Variants in CAMTA1 observed in about 807,000 individuals in gnomAD.
CAMTA1 encodes calmodulin-binding transcription activator 1.
CAMTA1 carries 27 observed loss-of-function variants against 170.9 expected under a neutral mutation model. That is an observed-to-expected ratio of 0.16 (90% CI 0.12 to 0.22). CAMTA1 has a LOEUF of 0.22. Among genes scored for constraint, CAMTA1 ranks in the 10% least tolerant of loss-of-function variants. The probability of loss-of-function intolerance (pLI) is 1.00; values close to 1 mark genes in which losing one functional copy is unlikely to be tolerated. For synonymous variants in CAMTA1, 833 were observed against 891.5 expected, an observed-to-expected ratio of 0.93 and a Z score of 1.17; for missense variants, 1,619 against 2,217.2, an observed-to-expected ratio of 0.73 and a Z score of 5.42.
At chr1:6,979,556 G>A (rs553389450) in intron 3 of CAMTA1, among the ~76,000 whole-genome samples, 8 of 152,334 alleles carry the variant, frequency 5.3e-5, no homozygotes, top group African/African-American at 1.7e-4. Flanking sequence ...CATTTGAAAG[G>A]TGTAACATAG....
At chr1:7,626,110 AAGG>A (rs1156303688) in intron 6 of CAMTA1, among the ~76,000 whole-genome samples, 2 of 152,214 alleles carry the variant, frequency 1.3e-5, no homozygotes, top group African/African-American at 4.8e-5. Context: ...TTGTCCTACC[AAGG>A]TATTAAAGAG....
intron 6 of CAMTA1, among the ~76,000 whole-genome samples, chr1:7,559,214 A>G (rs1454356145): frequency 6.6e-6 from 1 of 152,098 alleles, no homozygotes; most frequent in Non-Finnish European, 1.5e-5. Context: ...CTCCACCCCC[A>G]GAGCCTCCCA....
chr1:7,267,961 C>T lies in CAMTA1; in HGVS notation c.438+18335C>T, dbSNP rs553453445. 2.0e-5 allele frequency among the ~76,000 whole-genome samples: 3 copies of T among 152,302 alleles called. No individual in the cohort carries two copies. The East Asian group carries it at 5.8e-4, about 29-fold the overall frequency. On this transcript the variant is annotated intron_variant, in intron 5 of 22. Coordinates refer to ENST00000303635, the MANE Select transcript of CAMTA1 (RefSeq NM_015215.4). ...AAAATGTCCAGAGGCTTCCAATGGC[C>T]ATGGCAAAGTAACTGGTAGTGAACT...
Position 7,665,476 on chromosome 1 carries a change from G to A in CAMTA1, c.2652+277G>A, listed in dbSNP as rs2095993167. On this transcript the variant is annotated intron_variant, in intron 9 of 22. Coordinates refer to ENST00000303635, the MANE Select transcript of CAMTA1 (RefSeq NM_015215.4). This position sits in a 1 kb window ranked among gnomAD's most constrained non-coding sequence, Gnocchi z 4.3. ...AACCTGTAATCCCAGAACTTTGGGAGGCCGAGGCAGGAGGATCATCTGAGC... is the reference window on the plus strand; with the variant it reads ...AACCTGTAATCCCAGAACTTTGGGAAGCCGAGGCAGGAGGATCATCTGAGC... Among the ~76,000 whole-genome samples the A allele has an allele frequency of 6.6e-6, 1 of 152,196 alleles. No homozygotes were observed. The highest frequency in any genetic ancestry group is 1.5e-5 in the Non-Finnish European group (1 of 68,038).
At chr1:7,193,166 CA>C (rs1294918763) in intron 4 of CAMTA1, among the ~76,000 whole-genome samples, 9 of 152,178 alleles carry the variant, frequency 5.9e-5, no homozygotes, top group Admixed American at 3.9e-4. Context: ...GCCTGGCCAA[CA>C]TGGTGAAACC....
chr1:7,754,250 A>G (rs1194403603), intron 21 of CAMTA1, among the ~76,000 whole-genome samples: 2 of 152,174 alleles, frequency 1.3e-5, no homozygotes, highest in African/African-American at 4.8e-5. Context: ...TTCCAGATAG[A>G]TTTTGTTTTC....
rs1160050233 is a variant in CAMTA1 at position 7,333,618 on chromosome 1, G to A, written c.438+83992G>A. 6.6e-6 allele frequency among the ~76,000 whole-genome samples: 1 copy of A among 152,230 alleles called. No homozygotes were observed. Among genetic ancestry groups the A allele is most frequent in the Non-Finnish European group, 1.5e-5 (1 of 68,040 alleles). On this transcript the variant is annotated intron_variant, in intron 5 of 22. Coordinates refer to ENST00000303635, the MANE Select transcript of CAMTA1 (RefSeq NM_015215.4). This position sits in a 1 kb window ranked among gnomAD's most constrained non-coding sequence, Gnocchi z 4.4. ...AAGGAAAAGGCTGAGGGGCTTAAAT[G>A]CTGCTGTCGTCCCAGCTTCTAGGGA...
At chr1:7,422,486 C>G (rs1014824325) in intron 5 of CAMTA1, among the ~76,000 whole-genome samples, 1 of 152,082 alleles carries the variant, frequency 6.6e-6, no homozygotes, top group African/African-American at 2.4e-5. Context: ...ATGGCCAGAC[C>G]CCCTCTGTGC....
chr1:7,005,200 T>C (rs931387071), intron 3 of CAMTA1, among the ~76,000 whole-genome samples: 2 of 152,212 alleles, frequency 1.3e-5, no homozygotes, highest in Admixed American at 1.3e-4. Context: ...TGATCTCACC[T>C]GGGAAATTCT....
chr1:7,003,077 T>C (rs919231392), intron 3 of CAMTA1, among the ~76,000 whole-genome samples: 3 of 152,244 alleles, frequency 2.0e-5, no homozygotes, highest in Non-Finnish European at 2.9e-5. Context: ...ACTTGTCCTG[T>C]GCATTGCAGG....
chr1:6,948,656 G>A (rs1458074350), intron 3 of CAMTA1, among the ~76,000 whole-genome samples: 3 of 152,164 alleles, frequency 2.0e-5, no homozygotes, highest in African/African-American at 7.2e-5. Flanking sequence ...CACTATGCTG[G>A]ACAGTTGCTG....
intron 5 of CAMTA1, among the ~76,000 whole-genome samples, chr1:7,434,892 A>T (rs920323443): frequency 2.0e-5 from 3 of 151,828 alleles, no homozygotes; most frequent in Non-Finnish European, 2.9e-5. Context: ...AAAAAAAAAA[A>T]AATACAGAAA....
chr1:7,227,855 T>C (rs1661998547), intron 4 of CAMTA1, among the ~76,000 whole-genome samples: 1 of 139,260 alleles, frequency 7.2e-6, no homozygotes, highest in South Asian at 2.1e-4. Context: ...CCAGGACTCC[T>C]CACCCAGGGC....
At chr1:7,661,288 C>T (rs3011924) in intron 7 of CAMTA1, among the ~76,000 whole-genome samples, 32,938 of 152,040 alleles carry the variant, frequency 0.22, 3,776 homozygotes, top group Middle Eastern at 0.33. Flanking sequence ...CCTCCCGGCT[C>T]GGTGCTTGTT....
At chr1:7,556,634 C>T (rs1337559950) in intron 6 of CAMTA1, among the ~76,000 whole-genome samples, 2 of 152,146 alleles carry the variant, frequency 1.3e-5, no homozygotes, top group Non-Finnish European at 1.5e-5. Context: ...ACCTTGTGCC[C>T]CACCCCACGC....
At chr1:6,911,039 C>T (rs895967633) in intron 3 of CAMTA1, among the ~76,000 whole-genome samples, 3 of 152,304 alleles carry the variant, frequency 2.0e-5, no homozygotes, top group East Asian at 1.9e-4. Flanking sequence ...TGTTACCTTC[C>T]GTTTGGAGCA....
At chr1:7,276,809 G>A (rs9434488) in intron 5 of CAMTA1, among the ~76,000 whole-genome samples, 28,241 of 152,084 alleles carry the variant, frequency 0.19, 3,027 homozygotes, top group African/African-American at 0.28. Context: ...ATGATCATGT[G>A]CATAGAAAGT....
intron 16 of CAMTA1, among the ~76,000 whole-genome samples, chr1:7,742,724 T>C (rs2096827620): frequency 6.6e-6 from 1 of 152,226 alleles, no homozygotes; most frequent in Non-Finnish European, 1.5e-5. Flanking sequence ...AAATTCCACC[T>C]TACTTTTAAT....
At chr1:7,583,701 C>G (rs1294270662) in intron 6 of CAMTA1, among the ~76,000 whole-genome samples, 1 of 152,184 alleles carries the variant, frequency 6.6e-6, no homozygotes. Context: ...TCTGGAGGCT[C>G]TGTCCCGTCC....
Sources: gnomAD v4.1 joint callset for allele counts (sites outside exome capture counted in the v4.1 genomes callset) on GRCh38, gnomAD v4.1.1 for gene constraint, Gnocchi (gnomAD v3.1) non-coding constraint, MANE v1.5 for transcripts, NCBI Gene and HGNC (gene_info 2026-07-23, HGNC 2026-07-21) for gene names.